Variants in SORCS2 observed in about 807,000 individuals in gnomAD.
The protein encoded by SORCS2 is sortilin related VPS10 domain containing receptor 2, also known as VPS10 domain-containing receptor SorCS2.
In SORCS2, 100 loss-of-function variants were observed where a neutral mutation model predicts 141.6. The ratio of observed to expected loss-of-function variants is 0.71; its 90% CI spans 0.60 to 0.83. The LOEUF is 0.83. Ranked by LOEUF, SORCS2 falls within the 40% of genes least tolerant of loss-of-function variation. The pLI is 0.00. For synonymous variants in SORCS2, 789 were observed against 676.9 expected, an observed-to-expected ratio of 1.17 and a Z score of -2.57; for missense variants, 1,646 against 1,560.2, an observed-to-expected ratio of 1.05 and a Z score of -0.93.
intron 3 of SORCS2, among the ~76,000 whole-genome samples, chr4:7,555,774 C>T (rs1352546807): frequency 6.6e-6 from 1 of 152,150 alleles, no homozygotes; most frequent in Non-Finnish European, 1.5e-5. Flanking sequence ...GCATTTGAGC[C>T]TAAACCTGAA....
chr4:7,457,649 AGAGGG>A (rs1729004383), intron 2 of SORCS2, among the ~76,000 whole-genome samples: 1 of 151,082 alleles, frequency 6.6e-6, no homozygotes, highest in Non-Finnish European at 1.5e-5. Context: ...AGCCGTGGCC[AGAGGG>A]CCTGGTTCAC....
chr4:7,254,616 AT>A (rs1713723418), intron 1 of SORCS2, among the ~76,000 whole-genome samples: 1 of 152,184 alleles, frequency 6.6e-6, no homozygotes, highest in Non-Finnish European at 1.5e-5. Context: ...GTATAACAAA[AT>A]TGCACATGTG....
At chr4:7,673,972 C>T (rs961900560) in intron 8 of SORCS2, among the ~76,000 whole-genome samples, 5 of 152,150 alleles carry the variant, frequency 3.3e-5, no homozygotes, top group African/African-American at 7.2e-5. Flanking sequence ...GACCAACGCC[C>T]GGATGACAGA....
intron 2 of SORCS2, among the ~76,000 whole-genome samples, chr4:7,452,437 C>T (rs186849489): frequency 3.6e-4 from 55 of 152,358 alleles, no homozygotes; most frequent in African/African-American, 1.2e-3. Context: ...CCACTGTGCT[C>T]GGCCTGGAAG....
rs772930061 is a variant in SORCS2, at chr4:7,718,034, G to T, written c.2275G>T (p.Val759Leu). 8.1e-6 allele frequency: 13 copies of T among 1,606,698 alleles called. No homozygotes were observed. Among genetic ancestry groups the T allele is most frequent in the Middle Eastern group, 3.3e-4 (2 of 6,056 alleles). Residue 759 changes from valine (V) to leucine (L), a missense_variant, in exon 18 of 27, where the codon GTG (valine) becomes TTG (leucine). Coordinates refer to ENST00000507866, the MANE Select transcript of SORCS2 (RefSeq NM_020777.3). ...SLGYRKVVSN[V>L]CEGGVDMQQS... ...CAGGTACCGGAAAGTGGTGTCCAACGTGTGTGAGGGTGGGGTGGACATGCA... is the reference window on the plus strand; with the variant it reads ...CAGGTACCGGAAAGTGGTGTCCAACTTGTGTGAGGGTGGGGTGGACATGCA...
At chr4:7,734,204 A>G (rs1711958095) in intron 24 of SORCS2, 68 bp from the exon 25 acceptor site, 1 of 1,126,754 alleles carries the variant, frequency 8.9e-7, no homozygotes, top group African/African-American at 1.6e-5. Context: ...GACAGACGGG[A>G]TGGGCTGGGG....
At chr4:7,337,549 G>A (rs1720063598) in intron 1 of SORCS2, among the ~76,000 whole-genome samples, 1 of 152,126 alleles carries the variant, frequency 6.6e-6, no homozygotes, top group African/African-American at 2.4e-5. Flanking sequence ...GGAGGAGCTG[G>A]CAGGAGGTCA....
At chr4:7,348,110 T>A (rs1258104351) in intron 1 of SORCS2, among the ~76,000 whole-genome samples, 1 of 152,074 alleles carries the variant, frequency 6.6e-6, no homozygotes, top group Non-Finnish European at 1.5e-5. Context: ...ATTAAGAGAG[T>A]CCCTCGTGTC....
At chr4:7,445,671 T>C (rs114407843) in intron 2 of SORCS2, among the ~76,000 whole-genome samples, 2,672 of 152,188 alleles carry the variant, frequency 0.018, 64 homozygotes, top group African/African-American at 0.057. Context: ...CCTAAACGCT[T>C]CTCTAAGTGG....
intron 1 of SORCS2, among the ~76,000 whole-genome samples, chr4:7,271,257 C>A (rs1019197776): frequency 8.5e-5 from 13 of 152,214 alleles, no homozygotes; most frequent in Non-Finnish European, 1.3e-4. Context: ...TCTCACCACT[C>A]CCCACTGCTC....
intron 1 of SORCS2, among the ~76,000 whole-genome samples, chr4:7,353,136 G>C (rs1043865462): frequency 6.6e-6 from 1 of 152,214 alleles, no homozygotes; most frequent in African/African-American, 2.4e-5. Context: ...TCAGCCACCA[G>C]AGGTGGGGAC....
chr4:7,480,644 G>A (rs368485442), intron 2 of SORCS2, among the ~76,000 whole-genome samples: 4 of 152,252 alleles, frequency 2.6e-5, no homozygotes, highest in East Asian at 3.9e-4. Context: ...TGGGATGGCA[G>A]GTGCCCCGGG....
At chr4:7,529,879 A>G (rs555699164) in intron 2 of SORCS2, among the ~76,000 whole-genome samples, 1 of 152,288 alleles carries the variant, frequency 6.6e-6, no homozygotes, top group South Asian at 2.1e-4. Flanking sequence ...TGGGGAGACC[A>G]GGGGCAGACA....
chr4:7,299,416 C>A (rs544731490), intron 1 of SORCS2, among the ~76,000 whole-genome samples: 1 of 152,342 alleles, frequency 6.6e-6, no homozygotes, highest in East Asian at 1.9e-4. Flanking sequence ...AAGTTCCTTT[C>A]TGTATGGATC....
At position 7,725,305 on chromosome 4, in the gene SORCS2, C is replaced by T; in HGVS notation, c.2745+18C>T. 2 of 1,608,070 alleles carry T rather than the reference C, an allele frequency of 1.2e-6. No individual in the cohort carries two copies. The highest frequency in any genetic ancestry group is 1.7e-6 in the Non-Finnish European group (2 of 1,177,308). ...GCCTGCAGGTGCGCTGGCTTTGCCCCAACTCAGCCCTTCTTCCCGCAGGCT... is the reference window on the plus strand; with the variant it reads ...GCCTGCAGGTGCGCTGGCTTTGCCCTAACTCAGCCCTTCTTCCCGCAGGCT... On this transcript the variant is annotated intron_variant, in intron 20 of 26. Coordinates refer to ENST00000507866, the MANE Select transcript of SORCS2 (RefSeq NM_020777.3).
intron 1 of SORCS2, among the ~76,000 whole-genome samples, chr4:7,243,069 C>T (rs1343904202): frequency 6.6e-6 from 1 of 152,130 alleles, no homozygotes; most frequent in African/African-American, 2.4e-5. Context: ...GGCTCGGCGC[C>T]CTGGTGAGGT....
At chr4:7,468,171 G>GT (rs1729736375) in intron 2 of SORCS2, among the ~76,000 whole-genome samples, 1 of 152,194 alleles carries the variant, frequency 6.6e-6, no homozygotes, top group African/African-American at 2.4e-5. Context: ...GGTTCTCCTT[G>GT]TTCCCCCTAA....
intron 14 of SORCS2, among the ~76,000 whole-genome samples, chr4:7,707,241 C>G (rs1018572444): frequency 2.0e-5 from 3 of 152,206 alleles, no homozygotes; most frequent in African/African-American, 7.2e-5. Context: ...GTTGGCAACA[C>G]AGCACACTCA....
chr4:7,657,494 AAT>A (rs1577906243), intron 5 of SORCS2, among the ~76,000 whole-genome samples: 2 of 86,856 alleles, frequency 2.3e-5, no homozygotes, highest in South Asian at 3.5e-4. Context: ...TCAATGAATG[AAT>A]GAGTAAATGA....
Sources: gnomAD v4.1 joint callset for allele counts (sites outside exome capture counted in the v4.1 genomes callset) on GRCh38, gnomAD v4.1.1 for gene constraint, MANE v1.5 for transcripts, NCBI Gene and HGNC (gene_info 2026-07-23, HGNC 2026-07-21) for gene names.